NCAM2: variants seen among roughly 807,000 people sequenced by gnomAD.
NCAM2 encodes neural cell adhesion molecule 2, also known as N-CAM-2.
NCAM2 carries 30 observed loss-of-function variants against 98.1 expected under a neutral mutation model. The observed-to-expected ratio is 0.31, with a 90% CI of 0.23 to 0.41. NCAM2 has a LOEUF of 0.41. NCAM2 is among the 10% of genes least tolerant of loss of function. The pLI is 1.00. For synonymous variants in NCAM2, 368 were observed against 342.4 expected (o/e 1.07, Z -0.83); for missense variants, 867 against 1,005.8 (o/e 0.86, Z 1.87).
intron 1 of NCAM2, among the ~76,000 whole-genome samples, chr21:21,171,731 T>A (rs2068130419): frequency 6.6e-6 from 1 of 152,194 alleles, no homozygotes; most frequent in African/African-American, 2.4e-5. Context: ...TGAAAATCTT[T>A]TCTGTAGCTA....
intron 15 of NCAM2, among the ~76,000 whole-genome samples, chr21:21,484,066 G>A (rs375305100): frequency 1.3e-5 from 2 of 152,038 alleles, no homozygotes; most frequent in South Asian, 2.1e-4. Context: ...TTCACCAATA[G>A]CACAGTGAAA....
chr21:21,496,397 G>T (rs1354641165), intron 15 of NCAM2, among the ~76,000 whole-genome samples: 6 of 151,816 alleles, frequency 4.0e-5, no homozygotes, highest in Non-Finnish European at 5.9e-5. Flanking sequence ...ATGTTTAATA[G>T]CCACTTGTAT....
intron 1 of NCAM2, among the ~76,000 whole-genome samples, chr21:21,204,824 G>A (rs2069373367): frequency 6.6e-6 from 1 of 152,024 alleles, no homozygotes; most frequent in Non-Finnish European, 1.5e-5. Flanking sequence ...TTTTTGGTGT[G>A]TTATGCACAG....
At chr21:21,461,368 A>G (rs889526687) in intron 12 of NCAM2, among the ~76,000 whole-genome samples, 1 of 151,952 alleles carries the variant, frequency 6.6e-6, no homozygotes, top group Non-Finnish European at 1.5e-5. Flanking sequence ...CTTCCTGTAT[A>G]AAATCTCGCA....
chr21:21,236,753 C>G (rs1601726171), intron 1 of NCAM2, among the ~76,000 whole-genome samples: 1 of 57,822 alleles, frequency 1.7e-5, no homozygotes, highest in South Asian at 1.0e-3. Flanking sequence ...GAAATCAGTA[C>G]ATATGTGTGT....
At chr21:21,282,276 G>C (rs1383264695) in intron 2 of NCAM2, among the ~76,000 whole-genome samples, 1 of 151,818 alleles carries the variant, frequency 6.6e-6, no homozygotes, top group Admixed American at 6.6e-5. Context: ...TTATGGATTT[G>C]TATATTACTA....
intron 8 of NCAM2, among the ~76,000 whole-genome samples, chr21:21,356,009 C>T (rs2075469745): frequency 6.6e-6 from 1 of 152,178 alleles, no homozygotes; most frequent in Non-Finnish European, 1.5e-5. Flanking sequence ...GTGGTCCTTG[C>T]TGTTTCCGTA....
intron 12 of NCAM2, among the ~76,000 whole-genome samples, chr21:21,443,275 G>A (rs73214496): frequency 3.9e-5 from 6 of 152,076 alleles, no homozygotes; most frequent in South Asian, 2.1e-4. Context: ...GGGGACTGCC[G>A]AGGGGTGGGA....
chr21:21,275,472 G>T (rs1014322758), intron 1 of NCAM2, among the ~76,000 whole-genome samples: 106 of 151,332 alleles, frequency 7.0e-4, no homozygotes, highest in African/African-American at 1.0e-3. Context: ...AATAAAAAAA[G>T]AAAAATAAAA....
chr21:21,428,783 G>A (rs969047641), intron 11 of NCAM2, among the ~76,000 whole-genome samples: 17 of 152,128 alleles, frequency 1.1e-4, no homozygotes, highest in African/African-American at 3.6e-4. Flanking sequence ...AATTAGAGAT[G>A]TTGATTCTAG....
chr21:21,263,524 T>C (rs78866551), intron 1 of NCAM2, among the ~76,000 whole-genome samples: 29,056 of 151,942 alleles, frequency 0.19, 2,842 homozygotes, highest in Non-Finnish European at 0.2. Flanking sequence ...AAATTCATAA[T>C]GGACCACACA....
chr21:21,328,908 G>A (rs983666023), intron 6 of NCAM2, among the ~76,000 whole-genome samples: 2 of 151,444 alleles, frequency 1.3e-5, no homozygotes, highest in African/African-American at 4.9e-5. Flanking sequence ...AGTCCTGGAA[G>A]CTCCATTTAC....
chr21:21,452,699 TA>T (rs1466937074), intron 12 of NCAM2, among the ~76,000 whole-genome samples: 1 of 111,738 alleles, frequency 8.9e-6, no homozygotes, highest in Non-Finnish European at 1.7e-5. Context: ...TATATCATTT[TA>T]AAAATATAAT....
At chr21:21,450,789 TGTATACACAC>T (rs985220137) in intron 12 of NCAM2, among the ~76,000 whole-genome samples, 10 of 106,986 alleles carry the variant, frequency 9.3e-5, no homozygotes, top group Admixed American at 6.7e-4. Context: ...TATGTATGTA[TGTATACACAC>T]ACACACACAC....
chr21:21,212,648 G>C (rs2069703051), intron 1 of NCAM2, among the ~76,000 whole-genome samples: 1 of 151,952 alleles, frequency 6.6e-6, no homozygotes, highest in Admixed American at 6.6e-5. Context: ...CTATAGTTTT[G>C]CAAAATGTTA....
chr21:21,131,279 T>TGGC (rs2066928358), intron 1 of NCAM2, among the ~76,000 whole-genome samples: 1 of 144,682 alleles, frequency 6.9e-6, no homozygotes, highest in Non-Finnish European at 1.5e-5. Flanking sequence ...TTAATTTTTC[T>TGGC]GGGGGGGGGC....
intron 1 of NCAM2, among the ~76,000 whole-genome samples, chr21:21,140,730 CCTGGAAAATCA>C (rs1439787014): frequency 6.9e-6 from 1 of 144,662 alleles, no homozygotes; most frequent in Non-Finnish European, 1.5e-5. Context: ...TGAAGAAAGT[CCTGGAAAATCA>C]CTTTATTTTT....
chr21:21,428,552 A>G (rs1459710643), intron 11 of NCAM2, among the ~76,000 whole-genome samples: 1 of 152,248 alleles, frequency 6.6e-6, no homozygotes, highest in Non-Finnish European at 1.5e-5. Context: ...GACATCCAAT[A>G]GAAAAGGAAG....
At chr21:21,400,917 T>G (rs865930897) in intron 9 of NCAM2, among the ~76,000 whole-genome samples, 1 of 152,214 alleles carries the variant, frequency 6.6e-6, no homozygotes, top group Non-Finnish European at 1.5e-5. Flanking sequence ...TGCATGTTTA[T>G]TTTTTAAATT....
Sources: gnomAD v4.1 joint callset for allele counts (sites outside exome capture counted in the v4.1 genomes callset) on GRCh38, gnomAD v4.1.1 for gene constraint, MANE v1.5 for transcripts, NCBI Gene and HGNC (gene_info 2026-07-23, HGNC 2026-07-21) for gene names.